Variants in DNAH11 observed in about 807,000 individuals in gnomAD.
DNAH11 encodes the protein axonemal beta dynein heavy chain 11.
In DNAH11, 442 loss-of-function variants were observed where a neutral mutation model predicts 526.0. The ratio of observed to expected loss-of-function variants is 0.84; its 90% confidence interval spans 0.78 to 0.91. The LOEUF is 0.91. DNAH11 is among the 40% of genes least tolerant of loss of function. The probability of loss-of-function intolerance (pLI) is 0.00; values close to 1 mark genes in which losing one functional copy is unlikely to be tolerated. For synonymous variants in DNAH11, 2,461 were observed against 1,935.9 expected (o/e 1.27, Z -7.12); for missense variants, 6,989 against 5,448.7 (o/e 1.28, Z -8.90).
chr7:21,661,203 G>A (rs1412479183), intron 30 of DNAH11, among the ~76,000 whole-genome samples: 1 of 152,014 alleles, frequency 6.6e-6, no homozygotes, highest in Admixed American at 6.6e-5. Context: ...TAATTATGGT[G>A]GGAGTGGTAT....
intron 14 of DNAH11, among the ~76,000 whole-genome samples, chr7:21,591,977 A>G (rs1007809553): frequency 9.9e-5 from 15 of 152,182 alleles, no homozygotes; most frequent in Non-Finnish European, 1.6e-4. Flanking sequence ...GGCAACAATA[A>G]TTACTCTCCT....
chr7:21,826,764 C>A (rs1790316525), intron 65 of DNAH11, among the ~76,000 whole-genome samples: 1 of 152,198 alleles, frequency 6.6e-6, no homozygotes, highest in Admixed American at 6.5e-5. Context: ...ATCATGTCCT[C>A]AAACTCAGGT....
chr7:21,719,018 C>T (rs1357326482), intron 43 of DNAH11, among the ~76,000 whole-genome samples: 1 of 152,184 alleles, frequency 6.6e-6, no homozygotes, highest in Middle Eastern at 3.4e-3. Context: ...TGCAAAAAAG[C>T]ATTATCGTGT....
intron 30 of DNAH11, among the ~76,000 whole-genome samples, chr7:21,660,163 G>T (rs56214761): frequency 1.2e-4 from 18 of 151,812 alleles, no homozygotes; most frequent in Non-Finnish European, 2.4e-4. Context: ...TTTTTTTCAT[G>T]GACATAAATA....
At position 21,590,966 on chromosome 7, in the gene DNAH11, C is replaced by A; in HGVS notation, c.2218C>A (p.Gln740Lys). 6.6e-7 allele frequency: 1 copy of A among 1,514,922 alleles called. No individual in the cohort carries two copies. The highest frequency in any genetic ancestry group is 8.8e-7 in the Non-Finnish European group (1 of 1,141,772). The allele number at this position is 1,514,922 out of a possible 1,614,324, so 93.8% of individuals were successfully genotyped here. The change falls in exon 13 of 82, where the codon CAA (glutamine) becomes AAA (lysine). Residue 740 changes from glutamine (Q) to lysine (K), a missense_variant. By Grantham distance (53) the Gln-to-Lys change is moderately conservative (BLOSUM62 1). Transcript: ENST00000409508. ...GAAATATCTTTTGATGTTGAAGAAACAAGACATACCAGATTCAGCTTTAGC... is the reference window on the plus strand; with the variant it reads ...GAAATATCTTTTGATGTTGAAGAAAAAAGACATACCAGATTCAGCTTTAGC... ...EVKYLLMLKK[Q>K]DIPDSALAIF...
intron 54 of DNAH11, among the ~76,000 whole-genome samples, chr7:21,760,188 T>C (rs1207602929): frequency 6.6e-6 from 1 of 152,156 alleles, no homozygotes; most frequent in Non-Finnish European, 1.5e-5. Context: ...ATGACATCTG[T>C]TGAGTGAGGG....
Position 21,561,168 on chromosome 7 carries a change from A to G in DNAH11, c.980A>G (p.Asn327Ser), listed in dbSNP as rs1783446576. 1 of 1,584,630 alleles carries G rather than the reference A, an allele frequency of 6.3e-7. No individual in the cohort carries two copies. Among genetic ancestry groups the G allele is most frequent in the South Asian group, 1.2e-5 (1 of 86,792 alleles). The change falls in exon 5 of 82, where the codon AAT becomes AGT. Residue 327 changes from asparagine to serine, a missense_variant and splice_region_variant. Transcript: ENST00000409508. ...TLKDIFLAVE[N>S]ALLEAQDVEL... Reference sequence around the variant, plus strand: ...AAGGACATTTTTCTGGCTGTGGAAAATGGTAAGACTCTTGTTCCTCAGCCT... The same window carrying G: ...AAGGACATTTTTCTGGCTGTGGAAAGTGGTAAGACTCTTGTTCCTCAGCCT...
At chr7:21,770,633 A>G (rs1787398102) in intron 55 of DNAH11, among the ~76,000 whole-genome samples, 2 of 152,246 alleles carry the variant, frequency 1.3e-5, no homozygotes, top group Admixed American at 1.3e-4. Context: ...GCAGTTTGAC[A>G]CCAGAGCCCA....
intron 7 of DNAH11, among the ~76,000 whole-genome samples, chr7:21,571,006 G>A (rs1277037775): frequency 6.6e-6 from 1 of 152,004 alleles, no homozygotes; most frequent in African/African-American, 2.4e-5. Flanking sequence ...AGAGCTTTAT[G>A]TCTTGAGAAT....
rs1275074212 is a variant in DNAH11, at chr7:21,900,105, G to A, written c.13288G>A (p.Gly4430Arg). 1.7e-5 allele frequency: 28 copies of A among 1,613,382 alleles called. No individual in the cohort carries two copies. The highest frequency in any genetic ancestry group is 1.6e-4 in the Middle Eastern group (1 of 6,082). ...HPPREGAYLH[G>R]LFMEGARWDT... ...GCCAAGGGAAGGTGCATACCTCCAC[G>A]GACTCTTCATGGAGGGTAAGACACC... is the stretch of plus-strand genomic sequence containing the variant. Residue 4430 changes from glycine to arginine, a missense_variant, in exon 81 of 82, where the codon GGA becomes AGA. By Grantham distance (125) the Gly-to-Arg change is moderately radical (BLOSUM62 -2). Coordinates refer to ENST00000409508, the MANE Select transcript of DNAH11 (RefSeq NM_001277115.2).
intron 61 of DNAH11, among the ~76,000 whole-genome samples, chr7:21,793,289 G>A (rs1474199521): frequency 3.9e-5 from 6 of 152,116 alleles, no homozygotes. Flanking sequence ...CCTAATATGT[G>A]GTCAGTTCTG....
chr7:21,600,186 A>T, intron 15 of DNAH11, 67 bp downstream of exon 15: 1 of 1,356,900 alleles, frequency 7.4e-7, no homozygotes, highest in Non-Finnish European at 9.8e-7. Context: ...GTGGCTGAGT[A>T]TGGTAGCTCA....
Position 21,698,197 on chromosome 7 carries a change from A to G in DNAH11, c.6164A>G (p.Glu2055Gly). The G allele has an allele frequency of 6.2e-7, 1 of 1,613,496 alleles. No individual in the cohort carries two copies. Among genetic ancestry groups the G allele is most frequent in the Non-Finnish European group, 8.5e-7 (1 of 1,179,642 alleles). Residue 2055 changes from glutamate (E) to glycine (G), a missense_variant, in exon 36 of 82, where the codon GAG becomes GGG. Physicochemically the swap from Glu to Gly is moderately conservative, Grantham distance 98. Coordinates refer to ENST00000409508, the MANE Select transcript of DNAH11 (RefSeq NM_001277115.2). ...ATTACGTTGTACACGCTTTGCAAGG[A>G]GCTTCTCTCCAAGCAGGTGAGGGAT... Reference protein sequence around the residue: ...KFITLYTLCKELLSKQDHYDW... With the variant: ...KFITLYTLCKGLLSKQDHYDW...
intron 8 of DNAH11, among the ~76,000 whole-genome samples, chr7:21,574,150 G>A (rs546072824): frequency 6.6e-6 from 1 of 152,308 alleles, no homozygotes; most frequent in East Asian, 1.9e-4. Flanking sequence ...TATGGGAAGA[G>A]ACTTGCTTTC....
intron 76 of DNAH11, among the ~76,000 whole-genome samples, chr7:21,886,049 T>A (rs954194209): frequency 6.6e-6 from 1 of 152,198 alleles, no homozygotes; most frequent in African/African-American, 2.4e-5. Flanking sequence ...CTTGGAAACG[T>A]AAAGCACCTG....
rs567190853 is a variant in DNAH11, at chr7:21,857,247, A to G, written c.11202+2792A>G. Reference sequence around the variant, plus strand: ...TTCCAAAGCCGTGAAGCTTTTTAGGAATAATTTTAATAAAATATATGCAAG... The same window carrying G: ...TTCCAAAGCCGTGAAGCTTTTTAGGGATAATTTTAATAAAATATATGCAAG... On this transcript the variant is annotated intron_variant, in intron 68 of 81. Transcript: ENST00000409508. Among the ~76,000 whole-genome samples, 11 of 152,326 alleles carry G rather than the reference A, an allele frequency of 7.2e-5. No homozygotes were observed. The South Asian group carries it at 1.9e-3, about 26-fold the overall frequency.
chr7:21,802,915 AGAG>A (rs1481985111), intron 62 of DNAH11, among the ~76,000 whole-genome samples: 1 of 151,126 alleles, frequency 6.6e-6, no homozygotes, highest in Non-Finnish European at 1.5e-5. Context: ...AAAGTTAGCT[AGAG>A]GAGATAATTG....
Position 21,784,477 on chromosome 7 carries a change from T to G in DNAH11, c.9534T>G (p.Ala3178=). 1 of 1,613,622 alleles carries G rather than the reference T, an allele frequency of 6.2e-7. No homozygotes were observed. Among genetic ancestry groups the G allele is most frequent in the Middle Eastern group, 1.7e-4 (1 of 6,058 alleles). ...TCCAGAAACAGAGAGAATGTGAAGCTGACTTACTCAAGGCTGAGCCTGCAC... is the reference window on the plus strand; with the variant it reads ...TCCAGAAACAGAGAGAATGTGAAGCGGACTTACTCAAGGCTGAGCCTGCAC... The part of the protein sequence containing the change: ...EVFQKQRECE[A]DLLKAEPALV... Residue 3178 remains alanine (A), a synonymous_variant, in exon 58 of 82, where the codon GCT becomes GCG. Transcript: ENST00000409508.
intron 42 of DNAH11, 72 bp downstream of exon 42, chr7:21,711,932 C>T (rs1784479522): frequency 4.6e-6 from 7 of 1,527,068 alleles, no homozygotes; most frequent in Non-Finnish European, 6.2e-6. Context: ...ATAATTTTTG[C>T]TTAAGCACAT....
Sources: allele counts gnomAD v4.1 joint callset (sites outside exome capture counted in the v4.1 genomes callset), GRCh38; gene constraint gnomAD v4.1.1; transcripts MANE v1.5; gene names NCBI Gene and HGNC (gene_info 2026-07-23, HGNC 2026-07-21).